The following EFCAB6 variants were observed in gnomAD, a reference collection of about 807,000 sequenced individuals.
EFCAB6 encodes EF-hand calcium binding domain 6.
In EFCAB6, 156 loss-of-function variants were observed where a neutral mutation model predicts 169.8. That is an observed-to-expected ratio of 0.92 (90% CI 0.81 to 1.05). The LOEUF (loss-of-function observed/expected upper bound fraction) is 1.05. EFCAB6 is among the 50% of genes least tolerant of loss of function. The pLI is 0.00. For synonymous variants in EFCAB6, 698 were observed against 676.4 expected (o/e 1.03, Z -0.50); for missense variants, 1,800 against 1,829.1 (o/e 0.98, Z 0.29).
intron 9 of EFCAB6, among the ~76,000 whole-genome samples, chr22:43,714,092 T>G (rs990613529): frequency 5.3e-5 from 8 of 152,098 alleles, no homozygotes; most frequent in African/African-American, 1.9e-4. Context: ...GAAGGAATAT[T>G]TCAAAGCTAA....
At position 43,632,249 on chromosome 22, in the gene EFCAB6, T is replaced by G; in HGVS notation, c.2099-11A>C. On this transcript the variant is annotated splice_polypyrimidine_tract_variant and intron_variant, in intron 18 of 31. Transcript: ENST00000262726. ...CTCTCATTGGAGGATCTGGAACAAT[T>G]ACAAAGATCGGGGTTTCCATTAGTG... 1 of 1,608,770 alleles carries G rather than the reference T, an allele frequency of 6.2e-7. No individual in the cohort carries two copies. Among genetic ancestry groups the G allele is most frequent in the Non-Finnish European group, 8.5e-7 (1 of 1,177,832 alleles).
chr22:43,775,799 C>T (rs1391688885), intron 3 of EFCAB6, among the ~76,000 whole-genome samples: 2 of 152,170 alleles, frequency 1.3e-5, no homozygotes, highest in Non-Finnish European at 2.9e-5. Context: ...GTGAGGAGGC[C>T]AAGGAGCCAC....
chr22:43,683,714 G>C (rs1569380084), intron 12 of EFCAB6, 33 bp downstream of exon 12: 1 of 1,421,182 alleles, frequency 7.0e-7, no homozygotes, highest in Non-Finnish European at 1.0e-6. Context: ...GAAACAATGA[G>C]TGTTTCACAA....
At chr22:43,660,232 T>C (rs897383131) in intron 17 of EFCAB6, among the ~76,000 whole-genome samples, 1 of 152,232 alleles carries the variant, frequency 6.6e-6, no homozygotes, top group African/African-American at 2.4e-5. Context: ...CCATGTGTCG[T>C]TGGGTATTTT....
chr22:43,581,141 C>A (rs751711736), intron 24 of EFCAB6, among the ~76,000 whole-genome samples: 40 of 152,118 alleles, frequency 2.6e-4, no homozygotes, highest in Non-Finnish European at 2.6e-4. Flanking sequence ...GGGAGAGCAG[C>A]AGTCTGGATG....
At chr22:43,782,867 T>C (rs1425174908) in intron 2 of EFCAB6, among the ~76,000 whole-genome samples, 1 of 152,194 alleles carries the variant, frequency 6.6e-6, no homozygotes, top group Non-Finnish European at 1.5e-5. Flanking sequence ...TCCCCCAAAA[T>C]GGCTGAATCT....
intron 18 of EFCAB6, 56 bp from the exon 19 acceptor site, chr22:43,632,294 CTTTTTT>C (rs200314912): frequency 1.3e-4 from 148 of 1,130,592 alleles, no homozygotes; most frequent in Middle Eastern, 3.7e-4. Context: ...TTCATTCCTT[CTTTTTT>C]TTTTTTTTTT....
intron 26 of EFCAB6, among the ~76,000 whole-genome samples, chr22:43,562,250 C>T (rs1397817109): frequency 6.6e-6 from 1 of 152,178 alleles, no homozygotes; most frequent in South Asian, 2.1e-4. Context: ...AAGGAAAATT[C>T]TTGGCCCCTT....
chr22:43,633,631 A>C (rs1174385905), intron 18 of EFCAB6, among the ~76,000 whole-genome samples: 1 of 152,202 alleles, frequency 6.6e-6, no homozygotes, highest in Non-Finnish European at 1.5e-5. Context: ...GGGTCATCTG[A>C]GTGTGACCTT....
chr22:43,566,102 G>A (rs1182079057), intron 26 of EFCAB6, among the ~76,000 whole-genome samples: 2 of 152,162 alleles, frequency 1.3e-5, no homozygotes, highest in Non-Finnish European at 2.9e-5. Flanking sequence ...CTCGCTGCCG[G>A]ATCAAGAAAC....
At position 43,528,828 on chromosome 22, in the gene EFCAB6, C is replaced by A; in HGVS notation, c.*25G>T. 1 of 1,575,224 alleles carries A rather than the reference C, an allele frequency of 6.3e-7. No individual in the cohort carries two copies. The highest frequency in any genetic ancestry group is 8.7e-7 in the Non-Finnish European group (1 of 1,149,758). On this transcript the variant is annotated 3_prime_UTR_variant, in exon 32 of 32. Transcript: ENST00000262726. ...TTGAAACAGGCCCTGTGGCTGTCGT[C>A]CCGCTGGGCACACAGCAGGGGTGTC...
intron 4 of EFCAB6, among the ~76,000 whole-genome samples, chr22:43,772,617 G>A (rs2061507093): frequency 6.7e-6 from 1 of 148,960 alleles, no homozygotes; most frequent in East Asian, 2.0e-4. Context: ...CTCCAGCCTG[G>A]GCAACAAGAG....
chr22:43,749,946 C>T (rs959848634), intron 6 of EFCAB6, among the ~76,000 whole-genome samples: 1 of 152,248 alleles, frequency 6.6e-6, no homozygotes, highest in Middle Eastern at 3.4e-3. Flanking sequence ...GGGAAAGTCT[C>T]GAAAGAGGCA....
At chr22:43,635,030 G>T in intron 18 of EFCAB6, 72 bp downstream of exon 18, 2 of 1,247,174 alleles carry the variant, frequency 1.6e-6, no homozygotes, top group South Asian at 2.4e-5. Flanking sequence ...GTGGCCTGGT[G>T]GCACTGCTAG....
intron 5 of EFCAB6, among the ~76,000 whole-genome samples, chr22:43,763,785 C>A (rs1171578287): frequency 1.3e-5 from 2 of 150,828 alleles, no homozygotes; most frequent in African/African-American, 2.4e-5. Context: ...TATTTTTATT[C>A]TTTTGAGACA....
chr22:43,530,750 GT>G, intron 31 of EFCAB6, 64 bp downstream of exon 31: 1 of 1,601,032 alleles, frequency 6.2e-7, no homozygotes, highest in South Asian at 1.1e-5. Context: ...CCCGTGGGAA[GT>G]TTCTGGCCGC....
Position 43,667,214 on chromosome 22 carries a change from T to C in EFCAB6, c.1873A>G (p.Ile625Val). 6.2e-7 allele frequency: 1 copy of C among 1,614,180 alleles called. No homozygotes were observed. The highest frequency in any genetic ancestry group is 1.1e-5 in the South Asian group (1 of 91,074). The change falls in exon 17 of 32, where the codon ATT becomes GTT. Residue 625 changes from isoleucine (I) to valine (V), a missense_variant. By Grantham distance (29) the Ile-to-Val change is conservative (BLOSUM62 3). Transcript: ENST00000262726. ...LTKKMTTEEVIEKFKKCIQQQ... is the reference protein window; with the variant it reads ...LTKKMTTEEVVEKFKKCIQQQ... ...TGTATACACTTTTTGAATTTTTCAA[T>C]CACTTCTTCTGTGGTCATCTTCTTG...
chr22:43,603,877 T>C (rs927570158), intron 22 of EFCAB6, among the ~76,000 whole-genome samples: 36 of 152,334 alleles, frequency 2.4e-4, no homozygotes, highest in African/African-American at 8.7e-4. Flanking sequence ...CATGTCAAAT[T>C]GTAATCCCCA....
chr22:43,549,756 A>T (rs568046249), intron 27 of EFCAB6, among the ~76,000 whole-genome samples: 206 of 152,344 alleles, frequency 1.4e-3, no homozygotes, highest in Non-Finnish European at 2.5e-3. Flanking sequence ...AATGCAAATT[A>T]TACAATAAAA....
Sources: gnomAD v4.1 joint callset for allele counts (sites outside exome capture counted in the v4.1 genomes callset) on GRCh38, gnomAD v4.1.1 for gene constraint, MANE v1.5 for transcripts, NCBI Gene and HGNC (gene_info 2026-07-23, HGNC 2026-07-21) for gene names.